NRXN3: variants seen among roughly 807,000 people sequenced by gnomAD.
The protein encoded by NRXN3 is neurexin 3, also known as neurexin III.
Under a neutral mutation model 137.6 loss-of-function variants are expected in NRXN3, and 32 were observed. The observed-to-expected ratio is 0.23, with a 90% CI of 0.18 to 0.31. NRXN3 has a LOEUF of 0.31. NRXN3 is among the 10% of genes least tolerant of loss of function. The pLI, the probability that NRXN3 is intolerant of heterozygous loss-of-function variation, is 1.00. For synonymous variants in NRXN3, 798 were observed against 784.5 expected (o/e 1.02, Z -0.29); for missense variants, 1,574 against 2,062.5 (o/e 0.76, Z 4.59).
rs1188118257 is a variant in NRXN3 at position 78,727,011 on chromosome 14, T to C, written c.2044+11872T>C. ...TAGGTGCTTATCATGCCATGGATCC[T>C]AGAGATGTCCAGAACAGGTCAAGCT... On this transcript the variant is annotated intron_variant, in intron 8 of 20. Coordinates refer to ENST00000335750, the MANE Select transcript of NRXN3 (RefSeq NM_001330195.2). 3.5e-5 allele frequency among the ~76,000 whole-genome samples: 5 copies of C among 144,412 alleles called. No individual in the cohort carries two copies. The Admixed American group carries it at 3.5e-4, about 10-fold the overall frequency. 94.7% of individuals were successfully genotyped at this position (144,412 alleles called of 152,430 possible).
At chr14:78,974,799 A>G (rs1255426152) in intron 14 of NRXN3, among the ~76,000 whole-genome samples, 1 of 152,094 alleles carries the variant, frequency 6.6e-6, no homozygotes, top group Non-Finnish European at 1.5e-5. Flanking sequence ...TGGCTTTTTC[A>G]GCTACAACCT....
rs1049691622 is a variant in NRXN3 at position 78,273,374 on chromosome 14, A to C, written c.710-5271A>C. ...ACTTAGAACAGTGCCTAGCACATAG[A>C]CAGCCCTCAGTCAATGTCAGCTGGT... On this transcript the variant is annotated intron_variant, in intron 2 of 20. Transcript: ENST00000335750. 5.9e-5 allele frequency among the ~76,000 whole-genome samples: 9 copies of C among 152,252 alleles called. 1 individual carries two copies. Among genetic ancestry groups the C allele is most frequent in the Admixed American group, 3.3e-4 (5 of 15,288 alleles).
chr14:78,302,961 T>C (rs1020798863), intron 4 of NRXN3, among the ~76,000 whole-genome samples: 3 of 152,200 alleles, frequency 2.0e-5, no homozygotes, highest in African/African-American at 7.2e-5. Flanking sequence ...TGTTCTCTTC[T>C]AGTCTATCCA....
At chr14:78,940,678 C>A (rs1441158625) in intron 10 of NRXN3, among the ~76,000 whole-genome samples, 1 of 152,152 alleles carries the variant, frequency 6.6e-6, no homozygotes, top group African/African-American at 2.4e-5. Flanking sequence ...TTATAATTGT[C>A]ATTTACAAAT....
intron 19 of NRXN3, among the ~76,000 whole-genome samples, chr14:79,739,648 CA>C (rs72347811): frequency 6.9e-3 from 219 of 31,794 alleles, no homozygotes; most frequent in African/African-American, 0.022. Context: ...GACTCTGCCT[CA>C]AAAAAAAAAA....
chr14:78,634,493 C>T (rs1435758357), intron 4 of NRXN3, among the ~76,000 whole-genome samples: 1 of 152,074 alleles, frequency 6.6e-6, no homozygotes, highest in African/African-American at 2.4e-5. Context: ...ATTTATTGGG[C>T]GGTTAGACGT....
intron 20 of NRXN3, among the ~76,000 whole-genome samples, chr14:79,823,403 A>G (rs1381008782): frequency 6.6e-6 from 1 of 152,196 alleles, no homozygotes; most frequent in Non-Finnish European, 1.5e-5. Flanking sequence ...TATTTTGATA[A>G]TCATACTCCA....
rs147998684 is a variant in NRXN3 at position 79,038,258 on chromosome 14, C to T, written c.3262+50117C>T. ...CATCCCAGAGTCAACAAGCAGAGAC[C>T]GAAAGGCATAAAAATGTGGAATGAA... On this transcript the variant is annotated intron_variant, in intron 15 of 20. Coordinates refer to ENST00000335750, the MANE Select transcript of NRXN3 (RefSeq NM_001330195.2). Among the ~76,000 whole-genome samples the T allele has an allele frequency of 6.1e-3, 918 of 151,606 alleles. 7 individuals are homozygous for T. Among genetic ancestry groups the T allele is most frequent in the African/African-American group, 0.02 (829 of 41,316 alleles).
At chr14:79,101,294 A>G (rs1206711531) in intron 15 of NRXN3, among the ~76,000 whole-genome samples, 2 of 152,156 alleles carry the variant, frequency 1.3e-5, no homozygotes, top group East Asian at 3.9e-4. Flanking sequence ...CACACCATTT[A>G]TGTGTAAGAA....
At chr14:79,465,892 C>A (rs1293115562) in intron 15 of NRXN3, among the ~76,000 whole-genome samples, 1 of 152,234 alleles carries the variant, frequency 6.6e-6, no homozygotes, top group Non-Finnish European at 1.5e-5. Flanking sequence ...ACAGAGGCAA[C>A]AAATGGCATA....
At chr14:78,452,509 G>A (rs1034955355) in intron 4 of NRXN3, among the ~76,000 whole-genome samples, 2 of 152,168 alleles carry the variant, frequency 1.3e-5, no homozygotes, top group Non-Finnish European at 2.9e-5. Flanking sequence ...TCCCAGCCTA[G>A]TGCTTTTTTC....
chr14:78,748,360 G>GT (rs5809904), intron 8 of NRXN3, among the ~76,000 whole-genome samples: 151,771 of 152,234 alleles, frequency 1, 75,655 homozygotes, highest in Non-Finnish European at 1. Flanking sequence ...AGCATAATAT[G>GT]TTGGAAAACA....
intron 8 of NRXN3, 28 bp from the exon 9 acceptor site, chr14:78,803,592 A>G (rs2098846088): frequency 6.2e-7 from 1 of 1,608,446 alleles, no homozygotes; most frequent in African/African-American, 1.3e-5. Context: ...CCGTCATCCT[A>G]ACGATCTTCT....
chr14:79,002,250 A>G (rs1184494623), intron 15 of NRXN3, among the ~76,000 whole-genome samples: 1 of 152,146 alleles, frequency 6.6e-6, no homozygotes. Flanking sequence ...CATGTGCAGG[A>G]TGTACAGGTT....
At position 79,808,259 on chromosome 14, in the gene NRXN3, T is replaced by A. The variant is rs549740205; in HGVS notation, c.4093+3069T>A. ...CTCAATTAAAAAAAAAAAAAAAATA[T>A]ATATATATATATATATGTATGTATG... On this transcript the variant is annotated intron_variant, in intron 20 of 20. Transcript: ENST00000335750. Among the ~76,000 whole-genome samples the A allele has an allele frequency of 1.4e-3, 192 of 137,380 alleles. 4 individuals carry two copies. In the East Asian group the frequency reaches 0.022, roughly 16 times the overall value. 90.1% of individuals were successfully genotyped at this position (137,380 alleles called of 152,430 possible).
intron 19 of NRXN3, among the ~76,000 whole-genome samples, chr14:79,740,700 G>T (rs2098957982): frequency 1.0e-5 from 1 of 95,674 alleles, no homozygotes; most frequent in African/African-American, 3.9e-5. Context: ...ACTGGACTTT[G>T]CATTTAGTTT....
intron 8 of NRXN3, chr14:78,744,354 C>T (rs1333226911): frequency 2.6e-5 from 4 of 152,208 alleles, no homozygotes; most frequent in African/African-American, 9.7e-5. Flanking sequence ...GTCTTGAATT[C>T]CTGACCTAAG....
chr14:78,965,879 C>T, intron 11 of NRXN3, 146 bp from the exon 12 acceptor site: 1 of 850,868 alleles, frequency 1.2e-6, no homozygotes, highest in Non-Finnish European at 1.8e-6. Flanking sequence ...AGGTATCTAC[C>T]ATATTGAATA....
intron 1 of NRXN3, among the ~76,000 whole-genome samples, chr14:78,218,670 C>T (rs1217107439): frequency 1.3e-5 from 2 of 152,214 alleles, no homozygotes; most frequent in African/African-American, 4.8e-5. Flanking sequence ...ATCTGTAAGG[C>T]AGGGCCTTCC....
Sources: allele counts gnomAD v4.1 joint callset (sites outside exome capture counted in the v4.1 genomes callset), GRCh38; gene constraint gnomAD v4.1.1; transcripts MANE v1.5; gene names NCBI Gene and HGNC (gene_info 2026-07-23, HGNC 2026-07-21).